The following CFAP299 variants were observed in gnomAD, a reference collection of about 807,000 sequenced individuals.
CFAP299 encodes cilia- and flagella-associated protein 299.
Under a neutral mutation model 27.0 loss-of-function variants are expected in CFAP299, and 21 were observed. The observed-to-expected ratio is 0.78, with a 90% CI of 0.55 to 1.12. The LOEUF is 1.12. Ranked by LOEUF, CFAP299 falls within the 50% of genes most tolerant of loss-of-function variation. The pLI is 0.00. For synonymous variants in CFAP299, 104 were observed against 98.1 expected, an observed-to-expected ratio of 1.06 and a Z score of -0.36; for missense variants, 310 against 276.6, an observed-to-expected ratio of 1.12 and a Z score of -0.86.
intron 3 of CFAP299, among the ~76,000 whole-genome samples, chr4:80,738,639 T>C (rs1047315302): frequency 1.3e-5 from 2 of 150,932 alleles, no homozygotes; most frequent in African/African-American, 2.5e-5. Context: ...ATTATGTTTC[T>C]TGTAGGCAGC....
chr4:80,791,954 A>G (rs987903650), intron 3 of CFAP299, among the ~76,000 whole-genome samples: 1 of 151,958 alleles, frequency 6.6e-6, no homozygotes, highest in Non-Finnish European at 1.5e-5. Context: ...GAGCGGGGTT[A>G]TCAAAAATAT....
chr4:80,711,319 GGAGCCACA>G (rs1433230694), intron 3 of CFAP299, among the ~76,000 whole-genome samples: 22 of 152,184 alleles, frequency 1.4e-4, no homozygotes, highest in African/African-American at 5.3e-4. Context: ...GCTGCTCAGA[GGAGCCACA>G]GAGCTGGAGC....
At chr4:80,684,438 T>C (rs1423713344) in intron 3 of CFAP299, among the ~76,000 whole-genome samples, 1 of 152,122 alleles carries the variant, frequency 6.6e-6, no homozygotes, top group Non-Finnish European at 1.5e-5. Flanking sequence ...TAATTTTTTG[T>C]ATTTTTTTAG....
intron 4 of CFAP299, among the ~76,000 whole-genome samples, chr4:80,942,150 T>G (rs1266022287): frequency 6.6e-6 from 1 of 152,218 alleles, no homozygotes; most frequent in Non-Finnish European, 1.5e-5. Context: ...GCGGCTACAC[T>G]GCAAGAGAGA....
At chr4:80,818,831 T>A (rs1464922744) in intron 3 of CFAP299, among the ~76,000 whole-genome samples, 2 of 152,162 alleles carry the variant, frequency 1.3e-5, no homozygotes, top group African/African-American at 4.8e-5. Context: ...TTTTAGAGTC[T>A]ACTAAACAGA....
Position 80,666,313 on chromosome 4 carries a change from C to T in CFAP299, c.333+83130C>T, listed in dbSNP as rs1741140719. Among the ~76,000 whole-genome samples, 4 of 152,054 alleles carry T rather than the reference C, an allele frequency of 2.6e-5. No individual in the cohort carries two copies. In the South Asian group the frequency reaches 6.2e-4, roughly 24 times the overall value. Reference sequence around the variant, plus strand: ...TCCTTTCTCACTAAGCCTGCTCTACCTCTTCCTTTTTTCCATGTTTTCATC... The same window carrying T: ...TCCTTTCTCACTAAGCCTGCTCTACTTCTTCCTTTTTTCCATGTTTTCATC... On this transcript the variant is annotated intron_variant, in intron 3 of 5. Coordinates refer to ENST00000358105, the MANE Select transcript of CFAP299 (RefSeq NM_152770.3).
At chr4:80,654,484 T>A (rs1740457785) in intron 3 of CFAP299, among the ~76,000 whole-genome samples, 1 of 152,166 alleles carries the variant, frequency 6.6e-6, no homozygotes, top group South Asian at 2.1e-4. Flanking sequence ...TCTAAATGAA[T>A]GATTATTTGA....
chr4:80,587,071 A>G (rs1251562178), intron 3 of CFAP299, among the ~76,000 whole-genome samples: 1 of 152,314 alleles, frequency 6.6e-6, no homozygotes, highest in East Asian at 1.9e-4. Flanking sequence ...ATGACCAATA[A>G]CATTGTGCTG....
chr4:80,574,554 C>T (rs1735751859), intron 2 of CFAP299, among the ~76,000 whole-genome samples: 1 of 152,020 alleles, frequency 6.6e-6, no homozygotes, highest in Admixed American at 6.6e-5. Context: ...AGAGAAAAGA[C>T]TTTCAATTTT....
chr4:80,918,887 G>C (rs1456815324), intron 4 of CFAP299, among the ~76,000 whole-genome samples: 1 of 152,048 alleles, frequency 6.6e-6, no homozygotes, highest in African/African-American at 2.4e-5. Context: ...GAGGGCATAG[G>C]TTCTATTTAT....
intron 3 of CFAP299, among the ~76,000 whole-genome samples, chr4:80,866,812 A>G (rs1188816990): frequency 6.6e-6 from 1 of 152,200 alleles, no homozygotes; most frequent in East Asian, 1.9e-4. Flanking sequence ...ATCAGGTTTC[A>G]GGGAAAAGGG....
chr4:80,927,797 T>C (rs1212184032), intron 4 of CFAP299, among the ~76,000 whole-genome samples: 1 of 152,136 alleles, frequency 6.6e-6, no homozygotes, highest in Non-Finnish European at 1.5e-5. Flanking sequence ...AGTCATTACA[T>C]TGTGCCTACC....
chr4:80,373,569 T>C (rs1283666438), intron 2 of CFAP299, among the ~76,000 whole-genome samples: 2 of 152,156 alleles, frequency 1.3e-5, no homozygotes, highest in Admixed American at 6.5e-5. Flanking sequence ...ATGATACAAA[T>C]TGAGTTATTC....
rs1175732560 is a variant in CFAP299 at position 80,591,132 on chromosome 4, AT to A, written c.333+7958del. On this transcript the variant is annotated intron_variant, in intron 3 of 5. Coordinates refer to ENST00000358105, the MANE Select transcript of CFAP299 (RefSeq NM_152770.3). The stretch of plus-strand genomic sequence containing the variant: ...TTTTTTTTTTTTTTTTTTTTTTTTT[AT>A]TTTTTTTTGAGACGGAGTCTCGCTC... Among the ~76,000 whole-genome samples, 357 of 68,134 alleles carry A rather than the reference AT, an allele frequency of 5.2e-3. 2 individuals carry two copies. The highest frequency in any genetic ancestry group is 0.013 in the African/African-American group (338 of 25,676). The allele number at this position is 68,134 out of a possible 152,430, so 44.7% of individuals were successfully genotyped here.
intron 3 of CFAP299, among the ~76,000 whole-genome samples, chr4:80,820,643 C>G (rs1162203417): frequency 1.3e-5 from 2 of 152,052 alleles, no homozygotes; most frequent in African/African-American, 4.8e-5. Flanking sequence ...GCCATGTGGT[C>G]TGACTCGTGT....
chr4:80,672,503 A>T (rs1035488644), intron 3 of CFAP299, among the ~76,000 whole-genome samples: 1 of 152,082 alleles, frequency 6.6e-6, no homozygotes, highest in Non-Finnish European at 1.5e-5. Context: ...TCATATCAGG[A>T]TGATACTGGC....
chr4:80,461,098 C>T (rs984682064), intron 2 of CFAP299, among the ~76,000 whole-genome samples: 7 of 152,074 alleles, frequency 4.6e-5, no homozygotes, highest in African/African-American at 9.7e-5. Flanking sequence ...TCTAAAGACC[C>T]GGAATCAACA....
At chr4:80,750,862 T>G (rs1724892459) in intron 3 of CFAP299, among the ~76,000 whole-genome samples, 1 of 152,196 alleles carries the variant, frequency 6.6e-6, no homozygotes, top group Admixed American at 6.6e-5. Flanking sequence ...AACAGAGACC[T>G]GAGAAATGAG....
At chr4:80,383,172 G>A (rs902196244) in intron 2 of CFAP299, among the ~76,000 whole-genome samples, 3 of 151,978 alleles carry the variant, frequency 2.0e-5, no homozygotes, top group Admixed American at 6.5e-5. Context: ...AGACACTAGG[G>A]CCTACTTGAG....
Sources: gnomAD v4.1 joint callset for allele counts (sites outside exome capture counted in the v4.1 genomes callset) on GRCh38, gnomAD v4.1.1 for gene constraint, MANE v1.5 for transcripts, NCBI Gene and HGNC (gene_info 2026-07-23, HGNC 2026-07-21) for gene names.